Variants in GABRR2 observed in about 807,000 individuals in gnomAD.
GABRR2 encodes gamma-aminobutyric acid type A receptor subunit rho2.
A neutral mutation model predicts 47.0 loss-of-function variants in GABRR2; 36 were observed. The observed-to-expected ratio is 0.77, with a 90% CI of 0.59 to 1.01. The LOEUF (loss-of-function observed/expected upper bound fraction) is 1.01, where lower values mean the gene tolerates loss of function less well. GABRR2 is among the 50% of genes least tolerant of loss of function. GABRR2 has a pLI of 0.00. For synonymous variants in GABRR2, 204 were observed against 227.5 expected, an observed-to-expected ratio of 0.90 and a Z score of 0.93; for missense variants, 587 against 594.6, an observed-to-expected ratio of 0.99 and a Z score of 0.13.
chr6:89,263,676 C>T (rs969708535), intron 8 of GABRR2, among the ~76,000 whole-genome samples: 4 of 152,176 alleles, frequency 2.6e-5, no homozygotes, highest in African/African-American at 9.7e-5. Context: ...GCGTGCACCA[C>T]CATGCTCGGC....
In GABRR2 at chr6:89,264,444, G is replaced by C; in HGVS notation, c.1054C>G (p.Gln352Glu). 6.2e-7 allele frequency: 1 copy of C among 1,613,958 alleles called. No individual in the cohort carries two copies. Among genetic ancestry groups the C allele is most frequent in the Non-Finnish European group, 8.5e-7 (1 of 1,179,920 alleles). Residue 352 changes from glutamine to glutamate, a missense_variant, in exon 8 of 9, where the codon CAG becomes GAG. Gln to Glu is a conservative substitution (Grantham distance 29, BLOSUM62 2). Coordinates refer to ENST00000402938, the MANE Select transcript of GABRR2 (RefSeq NM_002043.5). ...CGCAGCTTCCGTTCCTTGCGCTCCT[G>C]CACGGTGGTCAGGTAGTTGACAGCC... ...YAAVNYLTTV[Q>E]ERKERKLREK...
At chr6:89,288,977 T>C (rs1178648762) in intron 2 of GABRR2, among the ~76,000 whole-genome samples, 1 of 152,082 alleles carries the variant, frequency 6.6e-6, no homozygotes, top group Non-Finnish European at 1.5e-5. Context: ...AACAAACCAA[T>C]TAATCAATAA....
chr6:89,270,844 C>A (rs929392177), intron 3 of GABRR2, among the ~76,000 whole-genome samples: 9 of 152,118 alleles, frequency 5.9e-5, no homozygotes, highest in Admixed American at 5.2e-4. Context: ...AAACATGAGT[C>A]CCTGCATTCA....
intron 3 of GABRR2, among the ~76,000 whole-genome samples, chr6:89,269,841 A>T (rs959785581): frequency 3.9e-5 from 6 of 152,162 alleles, no homozygotes; most frequent in Non-Finnish European, 7.3e-5. Flanking sequence ...TACCTACTAT[A>T]ATTTCTGCCT....
chr6:89,312,571 C>T (rs1348549077), intron 1 of GABRR2, among the ~76,000 whole-genome samples: 4 of 152,152 alleles, frequency 2.6e-5, no homozygotes, highest in Admixed American at 6.5e-5. Context: ...AAGGAGCAAT[C>T]CTAAAGAGAG....
At chr6:89,296,844 G>T (rs557072366) in intron 2 of GABRR2, among the ~76,000 whole-genome samples, 37 of 152,354 alleles carry the variant, frequency 2.4e-4, no homozygotes, top group African/African-American at 8.9e-4. Context: ...GCTCCTGGTG[G>T]GAGCATTTTC....
intron 1 of GABRR2, among the ~76,000 whole-genome samples, chr6:89,308,993 G>T (rs1414083861): frequency 2.0e-5 from 3 of 152,188 alleles, no homozygotes; most frequent in Non-Finnish European, 4.4e-5. Flanking sequence ...GGAATAGAGA[G>T]CTATGGGTTG....
chr6:89,315,127 G>A lies in GABRR2; in HGVS notation c.39C>T (p.Cys13=). 1 of 1,613,850 alleles carries A rather than the reference G, an allele frequency of 6.2e-7. No individual in the cohort carries two copies. The highest frequency in any genetic ancestry group is 2.2e-5 in the East Asian group (1 of 44,860). The change falls in exon 1 of 9, where the codon TGC becomes TGT. Residue 13 remains cysteine (C), a synonymous_variant. Transcript: ENST00000402938. ...TTCTGCTCTCCACGAGAACCATCAA[G>A]CAAAACAAGAACAAAATGAGTCTTG... ...YFTRLILFLF[C]LMVLVESRKP... is the part of the protein sequence containing the mutation.
intron 2 of GABRR2, among the ~76,000 whole-genome samples, chr6:89,287,880 T>A (rs941758141): frequency 6.6e-6 from 1 of 151,160 alleles, no homozygotes; most frequent in African/African-American, 2.4e-5. Context: ...ATTACTCACT[T>A]AATTCTTAGA....
intron 2 of GABRR2, among the ~76,000 whole-genome samples, chr6:89,297,932 A>C (rs1012582650): frequency 6.6e-6 from 1 of 152,330 alleles, no homozygotes; most frequent in Admixed American, 6.5e-5. Context: ...TATGCTCTTA[A>C]CTGTTGCTGT....
Position 89,264,473 on chromosome 6 carries a change from T to A in GABRR2, c.1025A>T (p.Tyr342Phe). The stretch of plus-strand genomic sequence containing the variant: ...GGTGGTCAGGTAGTTGACAGCCGCA[T>A]ACTCCAGCACCGAGAGGAACACGAA... ...FVFVFLSVLEYAAVNYLTTVQ... is the reference protein window; with the variant it reads ...FVFVFLSVLEFAAVNYLTTVQ... Residue 342 changes from tyrosine (Y) to phenylalanine (F), a missense_variant, in exon 8 of 9, where the codon TAT becomes TTT. By Grantham distance (22) the Tyr-to-Phe change is conservative (BLOSUM62 3). Transcript: ENST00000402938. 5 of 1,613,990 alleles carry A rather than the reference T, an allele frequency of 3.1e-6. No individual in the cohort carries two copies. The highest frequency in any genetic ancestry group is 4.2e-6 in the Non-Finnish European group (5 of 1,179,976).
intron 8 of GABRR2, 29 bp downstream of exon 8, chr6:89,264,383 T>C (rs764268882): frequency 1.1e-5 from 18 of 1,601,726 alleles, no homozygotes; most frequent in Admixed American, 1.7e-5. Context: ...CAGCATGGAC[T>C]TAGACAAGGG....
intron 1 of GABRR2, among the ~76,000 whole-genome samples, chr6:89,309,947 CT>C (rs565193467): frequency 1.3e-3 from 165 of 128,184 alleles, no homozygotes; most frequent in Non-Finnish European, 1.7e-3. Flanking sequence ...CCTGGCTAAT[CT>C]TTTTTTTTTT....
At chr6:89,292,813 G>GATATATCGT (rs1369085572) in intron 2 of GABRR2, among the ~76,000 whole-genome samples, 1 of 11,928 alleles carries the variant, frequency 8.4e-5, no homozygotes, top group Non-Finnish European at 1.3e-4. Context: ...TCGTATATAC[G>GATATATCGT]ATATATCGTA....
chr6:89,292,854 C>CGT lies in GABRR2; in HGVS notation c.220+6904_220+6905insAC, dbSNP rs1441091761. 3.1e-4 allele frequency among the ~76,000 whole-genome samples: 43 copies of CGT among 137,916 alleles called. 1 individual carries two copies. Among genetic ancestry groups the CGT allele is most frequent in the Non-Finnish European group, 4.7e-4 (30 of 63,562 alleles). 90.5% of individuals were successfully genotyped at this position (137,916 alleles called of 152,430 possible). On this transcript the variant is annotated intron_variant, in intron 2 of 8. Coordinates refer to ENST00000402938, the MANE Select transcript of GABRR2 (RefSeq NM_002043.5). ...CGTATATACGATATATCGTATATAT[C>CGT]ATATATTATATATCTATATATCATA...
intron 1 of GABRR2, among the ~76,000 whole-genome samples, chr6:89,306,825 A>G (rs944937399): frequency 6.6e-6 from 1 of 152,104 alleles, no homozygotes; most frequent in Non-Finnish European, 1.5e-5. Context: ...AAGAGAAAAA[A>G]AGAAAAAAGA....
rs1773939406 is a variant in GABRR2, at chr6:89,267,811, T to C, written c.604A>G (p.Thr202Ala). The change falls in exon 6 of 9, where the codon ACA becomes GCA. Residue 202 changes from threonine to alanine, a missense_variant. Coordinates refer to ENST00000402938, the MANE Select transcript of GABRR2 (RefSeq NM_002043.5). ...CAGTACAGCATTAGATCTTCATCTG[T>C]ATAGGCATCTTTGGGAAGAGGAAAA... ...CSLELESYAY[T>A]DEDLMLYWKN... 1 of 1,610,598 alleles carries C rather than the reference T, an allele frequency of 6.2e-7. No individual in the cohort carries two copies. Among genetic ancestry groups the C allele is most frequent in the Non-Finnish European group, 8.5e-7 (1 of 1,178,326 alleles).
chr6:89,302,910 G>C, intron 1 of GABRR2: 1 of 1,167,548 alleles, frequency 8.6e-7, no homozygotes, highest in Admixed American at 1.8e-5. Flanking sequence ...GCATCTCAGA[G>C]CAGTTCACGG....
At chr6:89,260,093 G>T (rs1293875382) in intron 8 of GABRR2, among the ~76,000 whole-genome samples, 1 of 151,786 alleles carries the variant, frequency 6.6e-6, no homozygotes, top group Admixed American at 6.6e-5. Flanking sequence ...TTTTTTGTAA[G>T]ATGGGGTTTT....
Sources: allele counts gnomAD v4.1 joint callset (sites outside exome capture counted in the v4.1 genomes callset), GRCh38; gene constraint gnomAD v4.1.1; transcripts MANE v1.5; gene names NCBI Gene and HGNC (gene_info 2026-07-23, HGNC 2026-07-21).